The following ANAPC15 variants were observed in gnomAD, a reference collection of about 807,000 sequenced individuals.
ANAPC15 encodes the protein anaphase-promoting complex subunit 15.
Under a neutral mutation model 19.8 loss-of-function variants are expected in ANAPC15, and 13 were observed. The observed-to-expected ratio is 0.66, with a 90% CI of 0.43 to 1.04. The LOEUF (loss-of-function observed/expected upper bound fraction) is 1.04, where lower values mean the gene tolerates loss of function less well. Among genes scored for constraint, ANAPC15 ranks in the 50% least tolerant of loss-of-function variants. The pLI is 0.00. For synonymous variants in ANAPC15, 45 were observed against 50.7 expected, an observed-to-expected ratio of 0.89 and a Z score of 0.47; for missense variants, 88 against 150.3, an observed-to-expected ratio of 0.59 and a Z score of 2.17.
chr11:72,107,564 G>A, downstream of ANAPC15: 9 of 702,172 alleles, frequency 1.3e-5, no homozygotes, highest in Non-Finnish European at 2.3e-5. Context: ...GTTTGGGATG[G>A]CTGTGATACA....
At chr11:72,107,794 G>A, downstream of ANAPC15, 1 of 977,776 alleles carries the variant, frequency 1.0e-6, no homozygotes, top group South Asian at 1.6e-5. Context: ...TGGGGCTATG[G>A]TACAAGAGAC....
At chr11:72,110,696 C>T (rs1946577114) in intron 3 of ANAPC15, 93 bp from the exon 4 acceptor site, 2 of 1,400,108 alleles carry the variant, frequency 1.4e-6, no homozygotes, top group Non-Finnish European at 2.0e-6. Flanking sequence ...AGACAACCCA[C>T]ACGTGTTGGG....
In ANAPC15 at chr11:72,111,185, T is replaced by C. The variant is rs756460160; in HGVS notation, c.92A>G (p.Gln31Arg). 2.5e-6 allele frequency: 4 copies of C among 1,612,154 alleles called. No homozygotes were observed. Among genetic ancestry groups the C allele is most frequent in the Non-Finnish European group, 3.4e-6 (4 of 1,178,218 alleles). Reference protein sequence around the residue: ...DRPCVEETELQQQEQQHQAWL... With the variant: ...DRPCVEETELRQQEQQHQAWL... ...GGCCTGATGCTGCTGTTCCTGCTGC[T>C]GCAGCTCTGTCTCTTCCACACAGGG... is the stretch of plus-strand genomic sequence containing the variant. Residue 31 changes from glutamine (Q) to arginine (R), a missense_variant, in exon 3 of 6, where the codon CAG becomes CGG. By Grantham distance (43) the Gln-to-Arg change is conservative (BLOSUM62 1). Transcript: ENST00000227618.
downstream of ANAPC15, chr11:72,108,699 G>T (rs372524977): frequency 1.9e-6 from 3 of 1,546,972 alleles, no homozygotes; most frequent in Non-Finnish European, 2.6e-6. Flanking sequence ...CTGGCACACC[G>T]GCCACGATGT....
downstream of ANAPC15, chr11:72,108,172 C>T (rs1591192615): frequency 2.8e-6 from 4 of 1,424,920 alleles, no homozygotes; most frequent in African/African-American, 2.9e-5. Flanking sequence ...GCCTTGCCCC[C>T]AGACATCCCT....
In ANAPC15 at chr11:72,110,530, C is replaced by T; in HGVS notation, c.180+14G>A. ...GCGGCCCCCACACAGGCCCCACCTG[C>T]TAGAGCCACTCACCTCTGAGGCTGG... On this transcript the variant is annotated intron_variant, in intron 4 of 5. Transcript: ENST00000227618. The T allele has an allele frequency of 6.2e-7, 1 of 1,614,176 alleles. No individual in the cohort carries two copies.
chr11:72,107,740 G>A (rs1591191300), downstream of ANAPC15: 2 of 639,064 alleles, frequency 3.1e-6, no homozygotes, highest in South Asian at 1.9e-5. Flanking sequence ...TTCCAGGGCT[G>A]GTGTGAAGAC....
downstream of ANAPC15, chr11:72,109,572 G>A (rs1197750610): frequency 2.0e-6 from 1 of 493,028 alleles, no homozygotes; most frequent in Non-Finnish European, 3.7e-6. Context: ...CCAACAAATA[G>A]GGAATAGACA....
At chr11:72,109,415 A>G, downstream of ANAPC15, 1 of 455,722 alleles carries the variant, frequency 2.2e-6, no homozygotes, top group South Asian at 1.6e-5. Flanking sequence ...TGGGCCAGAG[A>G]AAATGGCACA....
intron 4 of ANAPC15, 52 bp from the exon 5 acceptor site, chr11:72,110,277 C>A: frequency 6.2e-7 from 1 of 1,607,848 alleles, no homozygotes; most frequent in Non-Finnish European, 8.5e-7. Flanking sequence ...TGGACCAGTT[C>A]AAGAACTGAC....
At chr11:72,107,245 C>A, downstream of ANAPC15, 3 of 589,790 alleles carry the variant, frequency 5.1e-6, no homozygotes, top group South Asian at 6.2e-5. Flanking sequence ...CCAGCCTGGG[C>A]AACACAGCAA....
At chr11:72,108,802 C>G, downstream of ANAPC15, 1 of 1,550,598 alleles carries the variant, frequency 6.4e-7, no homozygotes, top group Non-Finnish European at 8.7e-7. Context: ...CTGGTGCACC[C>G]CGCTTCTTGC....
chr11:72,107,117 A>G (rs1945763919), downstream of ANAPC15: 3 of 318,538 alleles, frequency 9.4e-6, no homozygotes, highest in Non-Finnish European at 1.7e-5. Context: ...AAATTTAAAA[A>G]TTAGCCGGGT....
chr11:72,109,433 G>C (rs140497216), downstream of ANAPC15: 3,397 of 438,406 alleles, frequency 7.7e-3, 120 homozygotes, highest in African/African-American at 0.064. Context: ...ACAGAACCCT[G>C]GACCCAGGGC....
rs1285345951 is a variant in ANAPC15, at chr11:72,109,934, G to A, written c.319-6C>T. 6 of 1,613,950 alleles carry A rather than the reference G, an allele frequency of 3.7e-6. No individual in the cohort carries two copies. Among genetic ancestry groups the A allele is most frequent in the Non-Finnish European group, 4.2e-6 (5 of 1,180,036 alleles). On this transcript the variant is annotated splice_polypyrimidine_tract_variant and splice_region_variant and intron_variant, in intron 5 of 5. Coordinates refer to ENST00000227618, the MANE Select transcript of ANAPC15 (RefSeq NM_014042.3). ...TCGTTGCCTTCCATGTCCACCTGGA[G>A]AGGAGGCTGGGTGTGGGTGGGGAGG...
At chr11:72,107,838 AG>A, downstream of ANAPC15, 1 of 1,459,566 alleles carries the variant, frequency 6.9e-7, no homozygotes, top group South Asian at 1.3e-5. Context: ...AGCTGCAGTG[AG>A]GCAGGTAGGC....
chr11:72,110,320 AC>A lies in ANAPC15; in HGVS notation c.181-96del, dbSNP rs561551303. 3.8e-6 allele frequency: 6 copies of A among 1,579,622 alleles called. No individual in the cohort carries two copies. The African/African-American group carries it at 6.8e-5, about 18-fold the overall frequency. Reference sequence around the variant, plus strand: ...AGCCTCTCTCTAGGGCCAATGAATGACCCCCTACCCCGACACTCCCTCCTTG... The same window carrying A: ...AGCCTCTCTCTAGGGCCAATGAATGACCCCTACCCCGACACTCCCTCCTTG... On this transcript the variant is annotated intron_variant, in intron 4 of 5. Coordinates refer to ENST00000227618, the MANE Select transcript of ANAPC15 (RefSeq NM_014042.3).
downstream of ANAPC15, chr11:72,108,616 C>T (rs1025876059): frequency 1.3e-5 from 19 of 1,470,458 alleles, no homozygotes; most frequent in South Asian, 5.6e-5. Context: ...TGGAGCTCAT[C>T]GTGGGCAGCT....
At chr11:72,112,769 C>G (rs1422788083), upstream of ANAPC15, 5 of 456,150 alleles carry the variant, frequency 1.1e-5, no homozygotes, top group Non-Finnish European at 1.8e-5. Context: ...TTTGTTTTCC[C>G]CGCTCCCGCC....
Sources: gnomAD v4.1 joint callset for allele counts on GRCh38, gnomAD v4.1.1 for gene constraint, MANE v1.5 for transcripts, NCBI Gene and HGNC (gene_info 2026-07-23, HGNC 2026-07-21) for gene names.